Variants in RGS18 observed in about 807,000 individuals in gnomAD.
The protein encoded by RGS18 is regulator of G-protein signaling 18.
Under a neutral mutation model 27.6 loss-of-function variants are expected in RGS18, and 22 were observed. The ratio of observed to expected loss-of-function variants is 0.80; its 90% CI spans 0.57 to 1.14. RGS18 has a LOEUF of 1.14. RGS18 is among the 50% of genes most tolerant of loss of function. The probability of loss-of-function intolerance (pLI) is 0.00; values close to 1 mark genes in which losing one functional copy is unlikely to be tolerated. For missense variants in RGS18, 299 were observed against 269.6 expected (o/e 1.11, Z -0.76); for synonymous variants, 89 against 84.6 (o/e 1.05, Z -0.29).
chr1:192,172,878 T>TATATATATATATATATAC (rs1553229372), intron 3 of RGS18, among the ~76,000 whole-genome samples: 1 of 138,574 alleles, frequency 7.2e-6, no homozygotes, highest in African/African-American at 2.6e-5. Context: ...TATATATATA[T>TATATATATATATATATAC]ATATAAATAT....
chr1:192,176,066 A>C (rs1274626745), intron 3 of RGS18, among the ~76,000 whole-genome samples: 1 of 151,842 alleles, frequency 6.6e-6, no homozygotes. Flanking sequence ...GAGGGAATAC[A>C]GGTATCCCTG....
chr1:192,180,711 C>T (rs949704137), intron 3 of RGS18, among the ~76,000 whole-genome samples: 3 of 151,686 alleles, frequency 2.0e-5, no homozygotes, highest in African/African-American at 7.3e-5. Flanking sequence ...TTTGGTTTCA[C>T]ACTGTGAGCA....
At chr1:192,174,271 T>C (rs905393732) in intron 3 of RGS18, among the ~76,000 whole-genome samples, 4 of 151,804 alleles carry the variant, frequency 2.6e-5, no homozygotes, top group African/African-American at 7.2e-5. Flanking sequence ...GTGTCAATTA[T>C]TAATTCAAAC....
At chr1:192,182,525 T>G (rs915019548) in intron 4 of RGS18, among the ~76,000 whole-genome samples, 4 of 151,628 alleles carry the variant, frequency 2.6e-5, no homozygotes, top group Admixed American at 2.0e-4. Flanking sequence ...TTAGATAATC[T>G]GTCTTTATCA....
At chr1:192,165,176 C>T (rs755253161) in intron 3 of RGS18, among the ~76,000 whole-genome samples, 31 of 152,234 alleles carry the variant, frequency 2.0e-4, no homozygotes, top group Non-Finnish European at 3.7e-4. Flanking sequence ...TGCTTTATGC[C>T]GTTGTAGGTA....
intron 3 of RGS18, among the ~76,000 whole-genome samples, chr1:192,162,653 A>G (rs781251372): frequency 3.3e-5 from 5 of 152,096 alleles, no homozygotes; most frequent in Non-Finnish European, 7.4e-5. Flanking sequence ...CCCCGTACTC[A>G]CTTTCTTGCT....
intron 3 of RGS18, among the ~76,000 whole-genome samples, chr1:192,178,552 C>T (rs1355857541): frequency 6.6e-6 from 1 of 151,418 alleles, no homozygotes; most frequent in African/African-American, 2.4e-5. Flanking sequence ...CTCTACCGTG[C>T]CTGCTGTTGT....
intron 3 of RGS18, among the ~76,000 whole-genome samples, chr1:192,177,860 G>A (rs916146853): frequency 2.0e-5 from 3 of 151,688 alleles, no homozygotes; most frequent in Non-Finnish European, 4.4e-5. Flanking sequence ...ATAGTAGGAA[G>A]AGATGAACGC....
At chr1:192,182,298 A>G (rs778662171) in intron 4 of RGS18, among the ~76,000 whole-genome samples, 3 of 151,602 alleles carry the variant, frequency 2.0e-5, no homozygotes, top group Non-Finnish European at 4.4e-5. Flanking sequence ...ACTACCTTAC[A>G]TGCCCACCAA....
At chr1:192,162,024 A>G (rs538935375) in intron 3 of RGS18, among the ~76,000 whole-genome samples, 68 of 152,298 alleles carry the variant, frequency 4.5e-4, no homozygotes, top group African/African-American at 1.6e-3. Flanking sequence ...GAACTGTAAT[A>G]TTTATAGGTA....
chr1:192,184,614 A>C lies in RGS18; in HGVS notation c.*60A>C. On this transcript the variant is annotated 3_prime_UTR_variant, in exon 5 of 5. Coordinates refer to ENST00000367460, the MANE Select transcript of RGS18 (RefSeq NM_130782.3). ...TATACATCTGCTTCTAACATATCGCATGTTTATGTTAAGATTTGGTCCCAT... is the reference window on the plus strand; with the variant it reads ...TATACATCTGCTTCTAACATATCGCCTGTTTATGTTAAGATTTGGTCCCAT... The C allele has an allele frequency of 6.8e-7, 1 of 1,466,856 alleles. No homozygotes were observed. The highest frequency in any genetic ancestry group is 1.8e-5 in the Admixed American group (1 of 54,974). The allele number at this position is 1,466,856 out of a possible 1,614,324, so 90.9% of individuals were successfully genotyped here.
At position 192,160,374 on chromosome 1, in the gene RGS18, A is replaced by G. The variant is rs763993106; in HGVS notation, c.222-4A>G. ...CATTATAAAACATTTTGTTTCTTGT[A>G]CAGAGTCTCCCCTGAAGAGGCAGTG... On this transcript the variant is annotated splice_region_variant and splice_polypyrimidine_tract_variant and intron_variant, in intron 2 of 4. Coordinates refer to ENST00000367460, the MANE Select transcript of RGS18 (RefSeq NM_130782.3). The G allele has an allele frequency of 7.5e-6, 12 of 1,606,622 alleles. No homozygotes were observed. The Admixed American group carries it at 2.0e-4, about 27-fold the overall frequency.
chr1:192,182,662 A>G (rs773378016), intron 4 of RGS18, among the ~76,000 whole-genome samples: 3 of 151,566 alleles, frequency 2.0e-5, no homozygotes, highest in Non-Finnish European at 3.0e-5. Context: ...GAAAAGTACA[A>G]TTAGAGTCAC....
rs141121808 is a variant in RGS18, at chr1:192,171,610, C to T, written c.284-9682C>T. Among the ~76,000 whole-genome samples, 20 of 152,164 alleles carry T rather than the reference C, an allele frequency of 1.3e-4. No individual in the cohort carries two copies. The East Asian group carries it at 3.7e-3, about 28-fold the overall frequency. ...GAAGAGGCCGTGGTGCAGAAGAGACCTATGTCATCCTTTTCTTGTGGTAGT... is the reference window on the plus strand; with the variant it reads ...GAAGAGGCCGTGGTGCAGAAGAGACTTATGTCATCCTTTTCTTGTGGTAGT... On this transcript the variant is annotated intron_variant, in intron 3 of 4. Transcript: ENST00000367460.
intron 3 of RGS18, among the ~76,000 whole-genome samples, chr1:192,166,232 C>T (rs944266740): frequency 6.6e-6 from 1 of 151,988 alleles, no homozygotes; most frequent in South Asian, 2.1e-4. Flanking sequence ...ACTTGCTAAA[C>T]AGTTTTTTAA....
At chr1:192,164,489 G>GT (rs1459504495) in intron 3 of RGS18, among the ~76,000 whole-genome samples, 1 of 151,712 alleles carries the variant, frequency 6.6e-6, no homozygotes, top group African/African-American at 2.4e-5. Flanking sequence ...TAGTCACACA[G>GT]TTTAACTTTT....
intron 3 of RGS18, among the ~76,000 whole-genome samples, chr1:192,170,117 G>GT (rs996154517): frequency 2.0e-5 from 3 of 152,102 alleles, no homozygotes; most frequent in African/African-American, 4.8e-5. Context: ...ATAGATTATT[G>GT]TTTTTTTGTG....
At chr1:192,163,654 T>C (rs1656110776) in intron 3 of RGS18, 1 of 152,078 alleles carries the variant, frequency 6.6e-6, no homozygotes, top group African/African-American at 2.4e-5. Context: ...CAATGCTAAA[T>C]ATATTATATT....
intron 3 of RGS18, chr1:192,169,043 C>T (rs1285295580): frequency 6.6e-6 from 1 of 152,158 alleles, no homozygotes; most frequent in Non-Finnish European, 1.5e-5. Flanking sequence ...AAATACATAA[C>T]ACAGTTCTCA....
Sources: gnomAD v4.1 joint callset for allele counts (sites outside exome capture counted in the v4.1 genomes callset) on GRCh38, gnomAD v4.1.1 for gene constraint, MANE v1.5 for transcripts, NCBI Gene and HGNC (gene_info 2026-07-23, HGNC 2026-07-21) for gene names.